TCF7: variants seen among roughly 807,000 people sequenced by gnomAD.
The protein encoded by TCF7 is transcription factor 7.
In TCF7, 19 loss-of-function variants were observed where a neutral mutation model predicts 46.8. The ratio of observed to expected loss-of-function variants is 0.41; its 90% CI spans 0.28 to 0.60. The LOEUF is 0.60. TCF7 is among the 20% of genes least tolerant of loss of function. The pLI, the probability that TCF7 is intolerant of heterozygous loss-of-function variation, is 0.35. For synonymous variants in TCF7, 245 were observed against 213.4 expected, an observed-to-expected ratio of 1.15 and a Z score of -1.29; for missense variants, 547 against 504.6, an observed-to-expected ratio of 1.08 and a Z score of -0.81.
Position 134,139,019 on chromosome 5 carries a change from C to T in TCF7, c.616C>T (p.Leu206Phe). The change falls in exon 5 of 10, where the codon CTC becomes TTC. Residue 206 changes from leucine to phenylalanine, a missense_variant. This residue lies in a region of TCF7 where 425 missense variants were observed against 349.9 expected (regional missense o/e 1.21). Coordinates refer to ENST00000342854, the MANE Select transcript of TCF7 (RefSeq NM_003202.5). ...YSLTSGSMGQ[L>F]PHTVSWFTHP... ...CCTGACCTCAGGCAGCATGGGGCAG[C>T]TCCCCCACACTGTGAGCTGGTGAGT... 6.2e-7 allele frequency: 1 copy of T among 1,613,858 alleles called. No individual in the cohort carries two copies. Among genetic ancestry groups the T allele is most frequent in the Admixed American group, 1.7e-5 (1 of 60,028 alleles).
At chr5:134,122,658 T>TG (rs1309464196) in intron 3 of TCF7, among the ~76,000 whole-genome samples, 2 of 152,020 alleles carry the variant, frequency 1.3e-5, no homozygotes, top group South Asian at 2.1e-4. Context: ...CTCCTGGAGG[T>TG]GCAAGGCAAG....
chr5:134,128,671 A>G (rs1757685924), intron 3 of TCF7, among the ~76,000 whole-genome samples: 2 of 150,842 alleles, frequency 1.3e-5, no homozygotes, highest in Non-Finnish European at 3.0e-5. Context: ...GGTGATCTCC[A>G]AGGCTCTCTC....
chr5:134,138,280 A>G (rs1453358365), intron 4 of TCF7, 116 bp downstream of exon 4: 4 of 850,814 alleles, frequency 4.7e-6, no homozygotes, highest in East Asian at 5.6e-5. Flanking sequence ...GGGGCTGTGC[A>G]AACTAAGGGC....
At chr5:134,143,328 T>A in intron 8 of TCF7, 1 of 764,928 alleles carries the variant, frequency 1.3e-6, no homozygotes, top group South Asian at 1.4e-5. Context: ...AACATTTGAT[T>A]GGGCCACATG....
At chr5:134,122,975 T>C (rs974530859) in intron 3 of TCF7, among the ~76,000 whole-genome samples, 1 of 152,198 alleles carries the variant, frequency 6.6e-6, no homozygotes, top group Non-Finnish European at 1.5e-5. Context: ...TGCCATTCTT[T>C]GGCTGGGTGG....
intron 3 of TCF7, among the ~76,000 whole-genome samples, chr5:134,132,514 C>G (rs886717433): frequency 6.6e-6 from 1 of 152,248 alleles, no homozygotes; most frequent in African/African-American, 2.4e-5. Context: ...CCCCTACCCC[C>G]CACAGGCTTG....
chr5:134,128,685 C>G (rs1257778832), intron 3 of TCF7, among the ~76,000 whole-genome samples: 1 of 151,682 alleles, frequency 6.6e-6, no homozygotes, highest in African/African-American at 2.4e-5. Context: ...CTCTCTCCCT[C>G]TGCCCTTGAG....
At chr5:134,140,804 C>T (rs1448454742) in intron 5 of TCF7, 2 of 455,646 alleles carry the variant, frequency 4.4e-6, no homozygotes, top group Admixed American at 4.7e-5. Flanking sequence ...AGGCCCAGCC[C>T]TCCTCTCTAC....
intron 3 of TCF7, among the ~76,000 whole-genome samples, chr5:134,129,347 C>G (rs944647221): frequency 6.6e-6 from 1 of 152,208 alleles, no homozygotes. Context: ...AAACACCTCC[C>G]TCCCCAGATC....
At position 134,146,510 on chromosome 5, in the gene TCF7, C is replaced by A; in HGVS notation, c.*207C>A. Reference sequence around the variant, plus strand: ...GGTACAGCAACAGGAATCTCAGAGACAGGTGGCCTAGCAGGCACAGGACAC... The same window carrying A: ...GGTACAGCAACAGGAATCTCAGAGAAAGGTGGCCTAGCAGGCACAGGACAC... On this transcript the variant is annotated 3_prime_UTR_variant, in exon 10 of 10. Coordinates refer to ENST00000342854, the MANE Select transcript of TCF7 (RefSeq NM_003202.5). The A allele has an allele frequency of 1.4e-6, 1 of 736,280 alleles. No individual in the cohort carries two copies. The highest frequency in any genetic ancestry group is 2.5e-6 in the Non-Finnish European group (1 of 400,908). The allele number at this position is 736,280 out of a possible 1,614,324, so 45.6% of individuals were successfully genotyped here. A position where few individuals can be genotyped will look rare whatever the true frequency, so the allele number is the denominator to read the frequency against.
intron 3 of TCF7, among the ~76,000 whole-genome samples, chr5:134,127,719 G>A (rs1757526657): frequency 6.6e-6 from 1 of 152,184 alleles, no homozygotes; most frequent in Non-Finnish European, 1.5e-5. Flanking sequence ...TTCTCTCGCT[G>A]CCCCGCCGCC....
chr5:134,138,751 C>T (rs758495953), intron 4 of TCF7, 200 bp from the exon 5 acceptor site: 1 of 777,450 alleles, frequency 1.3e-6, no homozygotes, highest in Non-Finnish European at 2.0e-6. Flanking sequence ...TCACCCCAGC[C>T]CTCTGCCCTG....
intron 3 of TCF7, among the ~76,000 whole-genome samples, chr5:134,132,526 G>C (rs115089918): frequency 6.6e-6 from 1 of 152,192 alleles, no homozygotes; most frequent in Non-Finnish European, 1.5e-5. Context: ...ACAGGCTTGA[G>C]GCCAGAGGAA....
intron 3 of TCF7, among the ~76,000 whole-genome samples, chr5:134,135,949 G>C (rs1758798481): frequency 6.6e-6 from 1 of 152,216 alleles, no homozygotes; most frequent in Non-Finnish European, 1.5e-5. Flanking sequence ...ATGCTGCAGA[G>C]AGGTTGGATA....
At chr5:134,114,553 G>A (rs1434888304), upstream of TCF7, among the ~76,000 whole-genome samples, 1 of 151,934 alleles carries the variant, frequency 6.6e-6, no homozygotes, top group Admixed American at 6.5e-5. Flanking sequence ...GGTGCGCTCC[G>A]GAAGAGCGAG....
chr5:134,137,316 C>T (rs1018175471), intron 3 of TCF7, among the ~76,000 whole-genome samples: 1 of 149,472 alleles, frequency 6.7e-6, no homozygotes, highest in African/African-American at 2.5e-5. Context: ...TCCAGCTACT[C>T]GGGAAGCTGA....
chr5:134,115,293 C>T, intron 1 of TCF7, 28 bp from the exon 2 acceptor site: 2 of 1,540,736 alleles, frequency 1.3e-6, no homozygotes, highest in Non-Finnish European at 1.7e-6. Flanking sequence ...TCCCACCGCC[C>T]CTCACTCCCC....
upstream of TCF7, among the ~76,000 whole-genome samples, chr5:134,112,990 C>T (rs1335333474): frequency 1.3e-5 from 2 of 152,172 alleles, no homozygotes; most frequent in Non-Finnish European, 2.9e-5. Flanking sequence ...TGGGCAGATC[C>T]GGATTCCCTT....
Position 134,143,028 on chromosome 5 carries a change from C to T in TCF7, c.954C>T (p.Tyr318=), listed in dbSNP as rs768008933. ...TGTCGCGAGAAGAGCAGGCCAAGTA[C>T]TATGAGCTGGCCCGCAAGGAGAGGC... ...HALSREEQAK[Y]YELARKERQL... is the part of the protein sequence containing the mutation. The change falls in exon 8 of 10, where the codon TAC becomes TAT. Residue 318 remains tyrosine (Y), a synonymous_variant. Coordinates refer to ENST00000342854, the MANE Select transcript of TCF7 (RefSeq NM_003202.5). 5.6e-5 allele frequency: 90 copies of T among 1,612,582 alleles called. No homozygotes were observed. In the South Asian group the frequency reaches 9.1e-4, roughly 16 times the overall value.
Sources: gnomAD v4.1 joint callset for allele counts (sites outside exome capture counted in the v4.1 genomes callset) on GRCh38, gnomAD v4.1.1 for gene constraint, gnomAD v4.1.1 regional missense constraint, MANE v1.5 for transcripts, NCBI Gene and HGNC (gene_info 2026-07-23, HGNC 2026-07-21) for gene names.